The following DDIAS variants were observed in gnomAD, a reference collection of about 807,000 sequenced individuals.
DDIAS encodes DNA damage-induced apoptosis suppressor protein.
DDIAS carries 14 observed loss-of-function variants against 15.7 expected under a neutral mutation model. That is an observed-to-expected ratio of 0.89 (90% CI 0.59 to 1.39). DDIAS has a LOEUF of 1.39. Ranked by LOEUF, DDIAS falls within the 40% of genes most tolerant of loss-of-function variation. DDIAS has a pLI of 0.00. For synonymous variants in DDIAS, 355 were observed against 395.9 expected, an observed-to-expected ratio of 0.90 and a Z score of 1.23; for missense variants, 1,035 against 1,130.9, an observed-to-expected ratio of 0.92 and a Z score of 1.22.
intron 3 of DDIAS, among the ~76,000 whole-genome samples, chr11:82,926,270 G>A (rs1166196322): frequency 6.6e-6 from 1 of 151,728 alleles, no homozygotes; most frequent in Admixed American, 6.6e-5. Flanking sequence ...TGTATTTTTT[G>A]TAGAGACACA....
intron 3 of DDIAS, 67 bp from the exon 4 acceptor site, chr11:82,928,710 C>G (rs1860920044): frequency 2.0e-6 from 3 of 1,523,038 alleles, no homozygotes; most frequent in Admixed American, 3.7e-5. Flanking sequence ...TTTTACTGTT[C>G]TGGATTTTTC....
In DDIAS at chr11:82,934,452, G is replaced by C. The variant is rs1861078123; in HGVS notation, c.*117G>C. 2 of 1,036,216 alleles carry C rather than the reference G, an allele frequency of 1.9e-6. No individual in the cohort carries two copies. Among genetic ancestry groups the C allele is most frequent in the South Asian group, 1.8e-5 (1 of 54,618 alleles). The allele number at this position is 1,036,216 out of a possible 1,614,324, so 64.2% of individuals were successfully genotyped here. On this transcript the variant is annotated 3_prime_UTR_variant, in exon 6 of 6. Transcript: ENST00000533655. ...CTTGGAGAGAAGCAAATTGAAAACA[G>C]GACTCTGCTGGGAGCTACTGTGCCT... is the stretch of plus-strand genomic sequence containing the variant.
intron 2 of DDIAS, chr11:82,914,205 G>T: frequency 4.0e-6 from 1 of 248,340 alleles, no homozygotes; most frequent in Non-Finnish European, 8.0e-6. Context: ...AAAGTGCTGG[G>T]ATTACAGGCA....
chr11:82,914,871 G>C lies in DDIAS; in HGVS notation c.113+20G>C. 1 of 1,471,498 alleles carries C rather than the reference G, an allele frequency of 6.8e-7. No individual in the cohort carries two copies. The highest frequency in any genetic ancestry group is 9.4e-7 in the Non-Finnish European group (1 of 1,060,932). The allele number at this position is 1,471,498 out of a possible 1,614,324, so 91.2% of individuals were successfully genotyped here. A position where few individuals can be genotyped will look rare whatever the true frequency, so the allele number is the denominator to read the frequency against. ...CAAAAGGTAAAAGTAAAGTCTGTAAGTGTGAGAGAGGAAATACAAATGCAC... is the reference window on the plus strand; with the variant it reads ...CAAAAGGTAAAAGTAAAGTCTGTAACTGTGAGAGAGGAAATACAAATGCAC... On this transcript the variant is annotated intron_variant, in intron 3 of 5. Transcript: ENST00000533655.
chr11:82,924,710 G>A (rs1285677957), intron 3 of DDIAS, among the ~76,000 whole-genome samples: 1 of 152,066 alleles, frequency 6.6e-6, no homozygotes, highest in African/African-American at 2.4e-5. Flanking sequence ...AGCTGCTCAG[G>A]AGTCTGAGGT....
chr11:82,927,507 C>G (rs569375121), intron 3 of DDIAS, among the ~76,000 whole-genome samples: 24 of 152,240 alleles, frequency 1.6e-4, no homozygotes, highest in Middle Eastern at 3.2e-3. Flanking sequence ...ATACAACCAT[C>G]TTTCACCTTG....
chr11:82,910,768 A>T (rs1314721205), intron 1 of DDIAS, among the ~76,000 whole-genome samples: 1 of 151,834 alleles, frequency 6.6e-6, no homozygotes, highest in Non-Finnish European at 1.5e-5. Flanking sequence ...AGCTCATACT[A>T]CCACGCCTGA....
intron 1 of DDIAS, among the ~76,000 whole-genome samples, chr11:82,910,878 A>G (rs1860520535): frequency 6.6e-6 from 1 of 152,074 alleles, no homozygotes; most frequent in Non-Finnish European, 1.5e-5. Flanking sequence ...CTACAGGCAT[A>G]CCTTGGAGAT....
At chr11:82,931,678 A>T in intron 5 of DDIAS, 54 bp from the exon 6 acceptor site, 1 of 1,475,056 alleles carries the variant, frequency 6.8e-7, no homozygotes, top group Non-Finnish European at 9.2e-7. Flanking sequence ...TTTCATGTTT[A>T]AGTAAATGGA....
chr11:82,918,815 T>G (rs1349325290), intron 3 of DDIAS, among the ~76,000 whole-genome samples: 1 of 151,226 alleles, frequency 6.6e-6, no homozygotes, highest in Non-Finnish European at 1.5e-5. Flanking sequence ...CTAAATTTGT[T>G]TTTTTTGTGT....
chr11:82,933,961 T>A lies in DDIAS; in HGVS notation c.2623T>A (p.Ser875Thr). ...TCCTACCACACAAAAAATATTTCCT[T>A]CAGATATGCTTGGATTCCAAGGCAT... ...VPPTTQKIFPSDMLGFQGIGL... is the reference protein window; with the variant it reads ...VPPTTQKIFPTDMLGFQGIGL... The change falls in exon 6 of 6, where the codon TCA (serine) becomes ACA (threonine). Residue 875 changes from serine to threonine, a missense_variant. By Grantham distance (58) the Ser-to-Thr change is moderately conservative. Transcript: ENST00000533655. 1 of 1,612,730 alleles carries A rather than the reference T, an allele frequency of 6.2e-7. No individual in the cohort carries two copies. Among genetic ancestry groups the A allele is most frequent in the Non-Finnish European group, 8.5e-7 (1 of 1,179,686 alleles).
At chr11:82,904,363 A>G (rs1427571840) in intron 1 of DDIAS, among the ~76,000 whole-genome samples, 1 of 152,220 alleles carries the variant, frequency 6.6e-6, no homozygotes, top group Non-Finnish European at 1.5e-5. Flanking sequence ...TGGTATGTGC[A>G]TGTATGGGCA....
In DDIAS at chr11:82,933,797, G is replaced by A; in HGVS notation, c.2459G>A (p.Ser820Asn). ...CCTGAAAATGACAAACAGCAAGCCA[G>A]CCCAAGCTGTCCAAAAAATATAAAA... The part of the protein sequence containing the change: ...IFPENDKQQA[S>N]PSCPKNIKTP... The change falls in exon 6 of 6, where the codon AGC becomes AAC. Residue 820 changes from serine (S) to asparagine (N), a missense_variant. Coordinates refer to ENST00000533655, the MANE Select transcript of DDIAS (RefSeq NM_145018.4). The A allele has an allele frequency of 6.2e-7, 1 of 1,613,316 alleles. No individual in the cohort carries two copies. Among genetic ancestry groups the A allele is most frequent in the Non-Finnish European group, 8.5e-7 (1 of 1,179,874 alleles).
intron 3 of DDIAS, among the ~76,000 whole-genome samples, chr11:82,916,545 G>A (rs1418443211): frequency 6.6e-6 from 1 of 152,102 alleles, no homozygotes; most frequent in East Asian, 1.9e-4. Flanking sequence ...TACATTATCA[G>A]TAATATATAG....
Position 82,931,766 on chromosome 11 carries a change from C to G in DDIAS, c.428C>G (p.Ala143Gly), listed in dbSNP as rs774010950. 4 of 1,607,840 alleles carry G rather than the reference C, an allele frequency of 2.5e-6. No homozygotes were observed. Among genetic ancestry groups the G allele is most frequent in the Non-Finnish European group, 3.4e-6 (4 of 1,178,146 alleles). ...FENQPGQGSD[A>G]SNFLQQCSDH... is the part of the protein sequence containing the mutation. ...AACCAACCTGGACAAGGTTCAGATGCCAGTAACTTCTTACAGCAATGCTCT... is the reference window on the plus strand; with the variant it reads ...AACCAACCTGGACAAGGTTCAGATGGCAGTAACTTCTTACAGCAATGCTCT... Residue 143 changes from alanine to glycine, a missense_variant, in exon 6 of 6, where the codon GCC (alanine) becomes GGC (glycine). Coordinates refer to ENST00000533655, the MANE Select transcript of DDIAS (RefSeq NM_145018.4).
rs760856161 is a variant in DDIAS at position 82,930,276 on chromosome 11, T to C, written c.393+2T>C. ...CAAAGCTTTATTTTTGGAGTGACGGTAATTGAGACTAGCTTTCTTTTTAAT... is the reference window on the plus strand; with the variant it reads ...CAAAGCTTTATTTTTGGAGTGACGGCAATTGAGACTAGCTTTCTTTTTAAT... On this transcript the variant is annotated splice_donor_variant, in intron 5 of 5. Coordinates refer to ENST00000533655, the MANE Select transcript of DDIAS (RefSeq NM_145018.4). LOFTEE classifies it high-confidence loss of function. The C allele has an allele frequency of 8.1e-6, 12 of 1,486,900 alleles. No individual in the cohort carries two copies. The Admixed American group carries it at 2.3e-4, about 28-fold the overall frequency. 92.1% of individuals were successfully genotyped at this position (1,486,900 alleles called of 1,614,324 possible).
At position 82,932,954 on chromosome 11, in the gene DDIAS, T is replaced by C; in HGVS notation, c.1616T>C (p.Leu539Pro). ...GAATATTTTTTACCGAATCCTTACC[T>C]GTCAGCTCTGTCTTCATCTTCAAAA... ...MSEYFLPNPY[L>P]SALSSSSKDL... Residue 539 changes from leucine (L) to proline (P), a missense_variant, in exon 6 of 6, where the codon CTG becomes CCG. Leu to Pro is a moderately conservative substitution (Grantham distance 98). Coordinates refer to ENST00000533655, the MANE Select transcript of DDIAS (RefSeq NM_145018.4). 1.9e-6 allele frequency: 3 copies of C among 1,612,502 alleles called. No homozygotes were observed. Among genetic ancestry groups the C allele is most frequent in the East Asian group, 4.5e-5 (2 of 44,834 alleles).
rs753271301 is a variant in DDIAS, at chr11:82,933,210, T to A, written c.1872T>A (p.Ser624Arg). 2 of 1,612,204 alleles carry A rather than the reference T, an allele frequency of 1.2e-6. No individual in the cohort carries two copies. The highest frequency in any genetic ancestry group is 1.7e-6 in the Non-Finnish European group (2 of 1,179,678). Residue 624 changes from serine to arginine, a missense_variant, in exon 6 of 6, where the codon AGT becomes AGA. Physicochemically the swap from Ser to Arg is moderately radical, Grantham distance 110. Transcript: ENST00000533655. ...YCRWSKNQDDSFTICRKLTYP... is the reference protein window; with the variant it reads ...YCRWSKNQDDRFTICRKLTYP... Reference sequence around the variant, plus strand: ...GGTGGTCCAAGAACCAAGATGACAGTTTTACAATTTGCAGGAAACTTACAT... The same window carrying A: ...GGTGGTCCAAGAACCAAGATGACAGATTTACAATTTGCAGGAAACTTACAT...
chr11:82,902,057 G>A (rs1673570128), intron 1 of DDIAS, among the ~76,000 whole-genome samples: 1 of 152,172 alleles, frequency 6.6e-6, no homozygotes. Flanking sequence ...CAGTGCCATC[G>A]AGCTAGACTC....
Sources: gnomAD v4.1 joint callset for allele counts (sites outside exome capture counted in the v4.1 genomes callset) on GRCh38, gnomAD v4.1.1 for gene constraint, MANE v1.5 for transcripts, NCBI Gene and HGNC (gene_info 2026-07-23, HGNC 2026-07-21) for gene names.